Variants in PLSCR2 observed in about 807,000 individuals in gnomAD.
The protein encoded by PLSCR2 is PL scramblase 2.
Under a neutral mutation model 25.3 loss-of-function variants are expected in PLSCR2, and 18 were observed. That is an observed-to-expected ratio of 0.71 (90% CI 0.49 to 1.06). PLSCR2 has a LOEUF of 1.06. Among genes scored for constraint, PLSCR2 ranks in the 50% least tolerant of loss-of-function variants. The probability of loss-of-function intolerance (pLI) is 0.00; values close to 1 mark genes in which losing one functional copy is unlikely to be tolerated. For missense variants in PLSCR2, 243 were observed against 269.5 expected (o/e 0.90, Z 0.69); for synonymous variants, 88 against 87.3 (o/e 1.01, Z -0.04).
At chr3:146,490,774 T>G (rs2043521874) in intron 1 of PLSCR2, among the ~76,000 whole-genome samples, 1 of 152,100 alleles carries the variant, frequency 6.6e-6, no homozygotes, top group African/African-American at 2.4e-5. Flanking sequence ...GAAGACAGTA[T>G]ATGGTTGGGT....
intron 2 of PLSCR2, among the ~76,000 whole-genome samples, chr3:146,403,238 G>A (rs1268558418): frequency 6.6e-6 from 1 of 151,958 alleles, no homozygotes; most frequent in Non-Finnish European, 1.5e-5. Context: ...AAATATCCCC[G>A]GCATATCTGT....
chr3:146,448,352 C>A (rs183764585), intron 6 of PLSCR2, among the ~76,000 whole-genome samples: 1 of 152,238 alleles, frequency 6.6e-6, no homozygotes, highest in Non-Finnish European at 1.5e-5. Flanking sequence ...TGTATATTAT[C>A]TGTTAAGGTT....
At chr3:146,421,851 G>C (rs145260664) in intron 2 of PLSCR2, among the ~76,000 whole-genome samples, 1 of 152,056 alleles carries the variant, frequency 6.6e-6, no homozygotes, top group Non-Finnish European at 1.5e-5. Flanking sequence ...AATAGTTTGC[G>C]TATTTGTTTT....
At chr3:146,450,573 T>C (rs1560013838) in intron 5 of PLSCR2, among the ~76,000 whole-genome samples, 1 of 152,236 alleles carries the variant, frequency 6.6e-6, no homozygotes, top group Non-Finnish European at 1.5e-5. Context: ...ATCTTACATA[T>C]GGGTAAGTGG....
intron 1 of PLSCR2, among the ~76,000 whole-genome samples, chr3:146,475,965 T>C (rs2042269930): frequency 6.6e-6 from 1 of 151,994 alleles, no homozygotes; most frequent in Admixed American, 6.6e-5. Context: ...ATTCCCCAGA[T>C]TTTCTTTTTA....
intron 1 of PLSCR2, among the ~76,000 whole-genome samples, chr3:146,485,806 G>A (rs1376071427): frequency 6.6e-6 from 1 of 152,070 alleles, no homozygotes; most frequent in African/African-American, 2.4e-5. Flanking sequence ...CATGTGGCTG[G>A]GGAAGCCTCA....
rs541577469 is a variant in PLSCR2 at position 146,433,526 on chromosome 3, A to T, written c.*35-9T>A. 6.6e-6 allele frequency: 1 copy of T among 152,288 alleles called. No homozygotes were observed. The highest frequency in any genetic ancestry group is 2.1e-4 in the South Asian group (1 of 4,830). 9.4% of individuals were successfully genotyped at this position (152,288 alleles called of 1,614,324 possible). ...GCCAAAGATCCGGAATCCTATGCAG[A>T]GAGAGAAGAAAGGAAAGTAAGACAT... On this transcript the variant is annotated splice_polypyrimidine_tract_variant and intron_variant, in intron 8 of 8. Coordinates refer to the PLSCR2 transcript ENST00000336685.
intron 1 of PLSCR2, among the ~76,000 whole-genome samples, chr3:146,489,805 T>G (rs2043478962): frequency 6.6e-6 from 1 of 152,118 alleles, no homozygotes; most frequent in Non-Finnish European, 1.5e-5. Context: ...CATCTAGAGA[T>G]CCTTCAATTA....
At chr3:146,446,071 G>T (rs1343165917) in intron 6 of PLSCR2, among the ~76,000 whole-genome samples, 1 of 152,030 alleles carries the variant, frequency 6.6e-6, no homozygotes, top group Non-Finnish European at 1.5e-5. Context: ...CTTATATTTT[G>T]TTGAGTGTTC....
chr3:146,391,971 CT>C (rs1576543869), intron 3 of PLSCR2, among the ~76,000 whole-genome samples: 3 of 152,130 alleles, frequency 2.0e-5, no homozygotes, highest in African/African-American at 7.2e-5. Flanking sequence ...TACATAATTG[CT>C]GTTATAATAT....
chr3:146,421,349 T>A (rs184835852), intron 2 of PLSCR2, among the ~76,000 whole-genome samples: 264 of 152,084 alleles, frequency 1.7e-3, no homozygotes, highest in African/African-American at 6.0e-3. Context: ...CAGAATTTTA[T>A]CTCATATTAG....
chr3:146,474,339 G>T (rs1354260948), intron 1 of PLSCR2, among the ~76,000 whole-genome samples: 7 of 152,114 alleles, frequency 4.6e-5, no homozygotes, highest in East Asian at 1.9e-4. Flanking sequence ...AGGGGGAAAA[G>T]GTATAACACA....
At chr3:146,489,801 G>C (rs2043478720) in intron 1 of PLSCR2, among the ~76,000 whole-genome samples, 1 of 152,056 alleles carries the variant, frequency 6.6e-6, no homozygotes, top group Non-Finnish European at 1.5e-5. Context: ...CTCCCATCTA[G>C]AGATCCTTCA....
intron 1 of PLSCR2, among the ~76,000 whole-genome samples, chr3:146,477,469 G>T (rs1382622117): frequency 6.6e-6 from 1 of 152,236 alleles, no homozygotes; most frequent in Non-Finnish European, 1.5e-5. Context: ...CACCCATGGA[G>T]CCTTGCTCAC....
At chr3:146,444,946 A>G (rs1451201191) in intron 6 of PLSCR2, among the ~76,000 whole-genome samples, 1 of 151,846 alleles carries the variant, frequency 6.6e-6, no homozygotes, top group Non-Finnish European at 1.5e-5. Context: ...TTGATTTAAG[A>G]TTACTCTGAG....
chr3:146,417,124 G>A (rs1162570450), intron 2 of PLSCR2, among the ~76,000 whole-genome samples: 2 of 152,166 alleles, frequency 1.3e-5, no homozygotes, highest in East Asian at 3.9e-4. Flanking sequence ...TTTTCTAATT[G>A]GCCCTAATTA....
chr3:146,491,489 C>T (rs780116995), intron 1 of PLSCR2, among the ~76,000 whole-genome samples: 44 of 151,974 alleles, frequency 2.9e-4, no homozygotes, highest in Non-Finnish European at 5.6e-4. Flanking sequence ...TTCAAGAATG[C>T]CAATGAGTCA....
At chr3:146,453,929 AT>A in intron 5 of PLSCR2, 72 bp downstream of exon 5, 1 of 1,211,096 alleles carries the variant, frequency 8.3e-7, no homozygotes, top group Middle Eastern at 2.3e-4. Context: ...AATTTAAGGC[AT>A]TCATAATATT....
At chr3:146,458,544 T>G in intron 2 of PLSCR2, 91 bp from the exon 3 acceptor site, 1 of 868,304 alleles carries the variant, frequency 1.2e-6, no homozygotes, top group South Asian at 2.9e-5. Context: ...CTGCATATAA[T>G]CAGTTATCGA....
Sources: gnomAD v4.1 joint callset for allele counts (sites outside exome capture counted in the v4.1 genomes callset) on GRCh38, gnomAD v4.1.1 for gene constraint, MANE v1.5 for transcripts, NCBI Gene and HGNC (gene_info 2026-07-23, HGNC 2026-07-21) for gene names.